Variants in GEN1 observed in about 807,000 individuals in gnomAD.
GEN1 encodes the protein flap endonuclease GEN homolog 1.
A neutral mutation model predicts 67.6 loss-of-function variants in GEN1; 64 were observed. The ratio of observed to expected loss-of-function variants is 0.95; its 90% CI spans 0.77 to 1.17. The LOEUF is 1.17. Ranked by LOEUF, GEN1 falls within the 50% of genes most tolerant of loss-of-function variation. The pLI, the probability that GEN1 is intolerant of heterozygous loss-of-function variation, is 0.00. For missense variants in GEN1, 1,058 were observed against 1,048.3 expected, an observed-to-expected ratio of 1.01 and a Z score of -0.13; for synonymous variants, 371 against 359.4, an observed-to-expected ratio of 1.03 and a Z score of -0.37.
At position 17,760,112 on chromosome 2, in the gene GEN1, A is replaced by G. The variant is rs534016184; in HGVS notation, c.161+8A>G. ...CATGAAGCCCCACCTCAGGTATAGT[A>G]AAAGCTCTTACAGTATAAATGTATG... On this transcript the variant is annotated splice_region_variant and intron_variant, in intron 2 of 13. Coordinates refer to ENST00000381254, the MANE Select transcript of GEN1 (RefSeq NM_001130009.3). 6.8e-6 allele frequency: 11 copies of G among 1,613,274 alleles called. No individual in the cohort carries two copies. In the South Asian group the frequency reaches 9.9e-5, roughly 15 times the overall value.
chr2:17,776,605 T>A (rs985121761), intron 11 of GEN1, among the ~76,000 whole-genome samples: 2 of 152,172 alleles, frequency 1.3e-5, no homozygotes, highest in African/African-American at 4.8e-5. Context: ...AGGTTTGAAA[T>A]TTTTCAGAAT....
rs1672941886 is a variant in GEN1 at position 17,783,543 on chromosome 2, G to A, written c.*1604G>A. The A allele has an allele frequency of 1.3e-5, 2 of 152,150 alleles. No individual in the cohort carries two copies. Among genetic ancestry groups the A allele is most frequent in the South Asian group, 4.1e-4 (2 of 4,826 alleles). 9.4% of individuals were successfully genotyped at this position (152,150 alleles called of 1,614,324 possible). On this transcript the variant is annotated 3_prime_UTR_variant, in exon 14 of 14. Coordinates refer to ENST00000381254, the MANE Select transcript of GEN1 (RefSeq NM_001130009.3). Reference sequence around the variant, plus strand: ...AAATTTCAGGAACACAGAATATTAGGAAGAATCTTGAAAGAGTTTGAATGA... The same window carrying A: ...AAATTTCAGGAACACAGAATATTAGAAAGAATCTTGAAAGAGTTTGAATGA...
chr2:17,756,301 A>G (rs900534370), intron 1 of GEN1, among the ~76,000 whole-genome samples: 1 of 152,230 alleles, frequency 6.6e-6, no homozygotes, highest in Non-Finnish European at 1.5e-5. Flanking sequence ...AATTTAAGCC[A>G]TTAATAGGTT....
Position 17,779,862 on chromosome 2 carries a change from C to T in GEN1, c.1265-116C>T, listed in dbSNP as rs143036774. On this transcript the variant is annotated intron_variant, in intron 12 of 13. Coordinates refer to ENST00000381254, the MANE Select transcript of GEN1 (RefSeq NM_001130009.3). Reference sequence around the variant, plus strand: ...GTCTCGAACTCCTGACCTCATGATCCGCCCGCCTTGGCCTCCCAAAATGCT... The same window carrying T: ...GTCTCGAACTCCTGACCTCATGATCTGCCCGCCTTGGCCTCCCAAAATGCT... 39,313 of 694,296 alleles carry T rather than the reference C, an allele frequency of 0.057. 1,164 individuals carry two copies. Among genetic ancestry groups the T allele is most frequent in the Middle Eastern group, 0.076 (178 of 2,334 alleles). 43.0% of individuals were successfully genotyped at this position (694,296 alleles called of 1,614,324 possible).
chr2:17,778,428 ATG>A lies in GEN1; in HGVS notation c.1264+367_1264+368del, dbSNP rs1558410070. ...TACACACATATATGTGTGTACATAT[ATG>A]TATATACACACACATATATGTGTGT... On this transcript the variant is annotated intron_variant, in intron 12 of 13. Transcript: ENST00000381254. Among the ~76,000 whole-genome samples, 40 of 92,084 alleles carry A rather than the reference ATG, an allele frequency of 4.3e-4. 3 individuals carry two copies. Among genetic ancestry groups the A allele is most frequent in the African/African-American group, 1.4e-3 (36 of 25,642 alleles). The allele number at this position is 92,084 out of a possible 152,430, so 60.4% of individuals were successfully genotyped here.
chr2:17,774,860 A>C (rs1256825079), intron 11 of GEN1, among the ~76,000 whole-genome samples: 1 of 152,036 alleles, frequency 6.6e-6, no homozygotes, highest in African/African-American at 2.4e-5. Context: ...GCTAGGGTGG[A>C]ATTTCTCTGT....
intron 11 of GEN1, among the ~76,000 whole-genome samples, chr2:17,775,192 A>G (rs2125153874): frequency 6.6e-6 from 1 of 152,334 alleles, no homozygotes; most frequent in East Asian, 1.9e-4. Context: ...TGTAAGCAAC[A>G]GAAGGCAAAA....
chr2:17,767,048 G>GT (rs1200623426), intron 5 of GEN1, among the ~76,000 whole-genome samples: 12 of 152,064 alleles, frequency 7.9e-5, no homozygotes, highest in Non-Finnish European at 1.2e-4. Flanking sequence ...TCTTTTTTCT[G>GT]TTTTTTAGTT....
At chr2:17,758,102 A>G (rs952260531) in intron 1 of GEN1, among the ~76,000 whole-genome samples, 2 of 152,204 alleles carry the variant, frequency 1.3e-5, no homozygotes, top group Non-Finnish European at 2.9e-5. Context: ...AATTTACTTA[A>G]TTAGTCCTGT....
chr2:17,784,658 C>CT lies in GEN1; in HGVS notation c.*2722dup, dbSNP rs1428720610. On this transcript the variant is annotated 3_prime_UTR_variant, in exon 14 of 14. Transcript: ENST00000381254. The stretch of plus-strand genomic sequence containing the variant: ...TTACAAACCTTGTATCATCTCAACT[C>CT]TTTAAGGACTGTATTGCAATGTTTT... 1 of 152,144 alleles carries CT rather than the reference C, an allele frequency of 6.6e-6. No homozygotes were observed. Among genetic ancestry groups the CT allele is most frequent in the African/African-American group, 2.4e-5 (1 of 41,416 alleles). The allele number at this position is 152,144 out of a possible 1,614,324, so 9.4% of individuals were successfully genotyped here.
At position 17,771,302 on chromosome 2, in the gene GEN1, G is replaced by A. The variant is rs1427548549; in HGVS notation, c.802+15G>A. The A allele has an allele frequency of 2.4e-5, 35 of 1,471,224 alleles. 1 individual carries two copies. In the Admixed American group the frequency reaches 5.2e-4, roughly 22 times the overall value. The allele number at this position is 1,471,224 out of a possible 1,614,324, so 91.1% of individuals were successfully genotyped here. A position where few individuals can be genotyped will look rare whatever the true frequency, so the allele number is the denominator to read the frequency against. ...TTCCCATCCAGGTAAGGAGACATAGGGAATGGTTATTAGTATCTCATACCC... is the reference window on the plus strand; with the variant it reads ...TTCCCATCCAGGTAAGGAGACATAGAGAATGGTTATTAGTATCTCATACCC... On this transcript the variant is annotated intron_variant, in intron 7 of 13. Coordinates refer to ENST00000381254, the MANE Select transcript of GEN1 (RefSeq NM_001130009.3).
rs1432232213 is a variant in GEN1 at position 17,782,433 on chromosome 2, A to G, written c.*494A>G. The G allele has an allele frequency of 6.6e-6, 1 of 152,222 alleles. No homozygotes were observed. Among genetic ancestry groups the G allele is most frequent in the African/African-American group, 2.4e-5 (1 of 41,418 alleles). 9.4% of individuals were successfully genotyped at this position (152,222 alleles called of 1,614,324 possible). On this transcript the variant is annotated 3_prime_UTR_variant, in exon 14 of 14. Coordinates refer to ENST00000381254, the MANE Select transcript of GEN1 (RefSeq NM_001130009.3). ...CTCTTCCACTTTGGAAGGCCATGCA[A>G]GGTGTTCCATTATAACTCTTTTTCC... is the stretch of plus-strand genomic sequence containing the variant.
At position 17,783,506 on chromosome 2, in the gene GEN1, A is replaced by G. The variant is rs113867507; in HGVS notation, c.*1567A>G. The G allele has an allele frequency of 9.2e-5, 14 of 152,352 alleles. No homozygotes were observed. The highest frequency in any genetic ancestry group is 3.4e-4 in the African/African-American group (14 of 41,576). The allele number at this position is 152,352 out of a possible 1,614,324, so 9.4% of individuals were successfully genotyped here. A position where few individuals can be genotyped will look rare whatever the true frequency, so the allele number is the denominator to read the frequency against. ...CCAGCTGGTTTCTTTGCTGATTCTA[A>G]AATTCATATGGAAATTTCAGGAACA... On this transcript the variant is annotated 3_prime_UTR_variant, in exon 14 of 14. Coordinates refer to ENST00000381254, the MANE Select transcript of GEN1 (RefSeq NM_001130009.3).
intron 1 of GEN1, chr2:17,754,728 A>T (rs1052306795): frequency 2.0e-5 from 3 of 152,224 alleles, no homozygotes; most frequent in African/African-American, 7.2e-5. Flanking sequence ...TTTCCGTGTT[A>T]ACCTTGTATT....
chr2:17,763,304 G>A (rs1344858687), intron 3 of GEN1, among the ~76,000 whole-genome samples: 1 of 152,092 alleles, frequency 6.6e-6, no homozygotes, highest in African/African-American at 2.4e-5. Context: ...ATTACTTCTT[G>A]TATAATCAAT....
chr2:17,781,807 C>G lies in GEN1; in HGVS notation c.2595C>G (p.Ser865Arg). 1 of 1,612,158 alleles carries G rather than the reference C, an allele frequency of 6.2e-7. No individual in the cohort carries two copies. The highest frequency in any genetic ancestry group is 1.1e-5 in the South Asian group (1 of 90,692). Residue 865 changes from serine to arginine, a missense_variant, in exon 14 of 14, where the codon AGC becomes AGG. Transcript: ENST00000381254. ...ATGAAACAGCTGAAAATGAAGAAAGCTGTTTCCCAGATTCAACAAAAAGTT... is the reference window on the plus strand; with the variant it reads ...ATGAAACAGCTGAAAATGAAGAAAGGTGTTTCCCAGATTCAACAAAAAGTT... Reference protein sequence around the residue: ...RSYETAENEESCFPDSTKSSL... With the variant: ...RSYETAENEERCFPDSTKSSL...
In GEN1 at chr2:17,784,836, A is replaced by G. The variant is rs574822115; in HGVS notation, c.*2897A>G. 6.6e-6 allele frequency: 1 copy of G among 152,326 alleles called. No individual in the cohort carries two copies. The highest frequency in any genetic ancestry group is 6.5e-5 in the Admixed American group (1 of 15,306). The allele number at this position is 152,326 out of a possible 1,614,324, so 9.4% of individuals were successfully genotyped here. A position where few individuals can be genotyped will look rare whatever the true frequency, so the allele number is the denominator to read the frequency against. On this transcript the variant is annotated 3_prime_UTR_variant, in exon 14 of 14. Transcript: ENST00000381254. ...TCTTGAGATTGTATGAGATGAAAAT[A>G]ACAAAATTAGTTGGGAGTGGCCAGT...
Position 17,768,875 on chromosome 2 carries a change from T to C in GEN1, c.710+64T>C, listed in dbSNP as rs1314658471. The stretch of plus-strand genomic sequence containing the variant: ...TATTCTTGCTGAACTTAATAACGAA[T>C]AGTACAGGAAACAATTGTTTTCCAA... On this transcript the variant is annotated intron_variant, in intron 6 of 13. Transcript: ENST00000381254. 8.0e-6 allele frequency: 8 copies of C among 1,001,926 alleles called. No homozygotes were observed. In the African/African-American group the frequency reaches 1.3e-4, roughly 16 times the overall value. 62.1% of individuals were successfully genotyped at this position (1,001,926 alleles called of 1,614,324 possible). A position where few individuals can be genotyped will look rare whatever the true frequency, so the allele number is the denominator to read the frequency against.
intron 3 of GEN1, 81 bp from the exon 4 acceptor site, chr2:17,764,816 T>A: frequency 7.8e-7 from 1 of 1,278,468 alleles, no homozygotes; most frequent in Non-Finnish European, 1.1e-6. Flanking sequence ...TTAATATTTG[T>A]AATACAGAAA....
Sources: gnomAD v4.1 joint callset for allele counts (sites outside exome capture counted in the v4.1 genomes callset) on GRCh38, gnomAD v4.1.1 for gene constraint, MANE v1.5 for transcripts, NCBI Gene and HGNC (gene_info 2026-07-23, HGNC 2026-07-21) for gene names.